The following SRGAP1 variants were observed in gnomAD, a reference collection of about 807,000 sequenced individuals.
SRGAP1 encodes the protein SLIT-ROBO Rho GTPase activating protein 1, also known as SLIT-ROBO Rho GTPase-activating protein 1.
SRGAP1 carries 43 observed loss-of-function variants against 121.9 expected under a neutral mutation model. That is an observed-to-expected ratio of 0.35 (90% CI 0.28 to 0.46). The LOEUF is 0.46. Among genes scored for constraint, SRGAP1 ranks in the 20% least tolerant of loss-of-function variants. The pLI, the probability that SRGAP1 is intolerant of heterozygous loss-of-function variation, is 1.00. For synonymous variants in SRGAP1, 447 were observed against 485.4 expected, an observed-to-expected ratio of 0.92 and a Z score of 1.04; for missense variants, 1,102 against 1,350.9, an observed-to-expected ratio of 0.82 and a Z score of 2.89.
chr12:64,044,295 T>A (rs1217775936), intron 6 of SRGAP1, among the ~76,000 whole-genome samples: 2 of 152,154 alleles, frequency 1.3e-5, no homozygotes, highest in African/African-American at 4.8e-5. Context: ...GCTAACACTG[T>A]AAGAGACTGC....
At chr12:64,126,432 T>C (rs146916783) in intron 19 of SRGAP1, among the ~76,000 whole-genome samples, 2 of 152,344 alleles carry the variant, frequency 1.3e-5, no homozygotes, top group African/African-American at 4.8e-5. Context: ...AGAGCTGAAG[T>C]GACATTGGTA....
chr12:64,099,387 G>A (rs748218247), intron 15 of SRGAP1, among the ~76,000 whole-genome samples: 6 of 152,126 alleles, frequency 3.9e-5, no homozygotes, highest in African/African-American at 7.2e-5. Flanking sequence ...GTCCACTCCC[G>A]AAGGTTAGGA....
chr12:64,116,699 T>G lies in SRGAP1; in HGVS notation c.2224+806T>G, dbSNP rs1043124496. ...TAAGAACAGTGCTGCTATGCACTGT[T>G]AGGACATTTTGAACATGTCTTCTAC... is the stretch of plus-strand genomic sequence containing the variant. On this transcript the variant is annotated intron_variant, in intron 18 of 21. Transcript: ENST00000355086. 6.6e-5 allele frequency among the ~76,000 whole-genome samples: 10 copies of G among 152,304 alleles called. No individual in the cohort carries two copies. In the South Asian group the frequency reaches 2.1e-3, roughly 32 times the overall value.
At chr12:64,086,590 C>T (rs1315964509) in intron 10 of SRGAP1, among the ~76,000 whole-genome samples, 1 of 152,092 alleles carries the variant, frequency 6.6e-6, no homozygotes, top group Non-Finnish European at 1.5e-5. Flanking sequence ...TGTATTTGAA[C>T]CCATCCTTCT....
intron 1 of SRGAP1, among the ~76,000 whole-genome samples, chr12:63,937,444 G>A (rs1361935332): frequency 6.6e-6 from 1 of 152,036 alleles, no homozygotes; most frequent in Non-Finnish European, 1.5e-5. Flanking sequence ...CTTTAGATGT[G>A]GATAATTTAG....
In SRGAP1 at chr12:64,159,180, T is replaced by G. The variant is rs1006541754; in HGVS notation, c.*16508T>G. 1 of 152,424 alleles carries G rather than the reference T, an allele frequency of 6.6e-6. No individual in the cohort carries two copies. Among genetic ancestry groups the G allele is most frequent in the Non-Finnish European group, 1.5e-5 (1 of 68,314 alleles). 9.4% of individuals were successfully genotyped at this position (152,424 alleles called of 1,614,324 possible). On this transcript the variant is annotated 3_prime_UTR_variant, in exon 22 of 22. Transcript: ENST00000355086. The stretch of plus-strand genomic sequence containing the variant: ...CAAAACAGTTTTTTAAAAAACTAGC[T>G]GTAGGGCAGGCACGGTGGTTCACAC...
intron 1 of SRGAP1, among the ~76,000 whole-genome samples, chr12:63,932,212 C>A (rs2031501925): frequency 6.6e-6 from 1 of 152,088 alleles, no homozygotes; most frequent in Admixed American, 6.5e-5. Flanking sequence ...ACCCGGGAGG[C>A]AGAGGTTTCA....
At chr12:63,935,575 T>C (rs1414795986) in intron 1 of SRGAP1, among the ~76,000 whole-genome samples, 1 of 152,202 alleles carries the variant, frequency 6.6e-6, no homozygotes, top group Non-Finnish European at 1.5e-5. Context: ...AATTGCTAAA[T>C]ATCAAGGAAA....
At chr12:64,082,994 C>A (rs901773952) in intron 10 of SRGAP1, among the ~76,000 whole-genome samples, 22 of 152,224 alleles carry the variant, frequency 1.4e-4, no homozygotes, top group African/African-American at 5.3e-4. Flanking sequence ...GGATATGACA[C>A]TGACAAATTT....
At chr12:64,141,287 A>AAAGAAAG (rs60064168) in intron 21 of SRGAP1, among the ~76,000 whole-genome samples, 1 of 144,678 alleles carries the variant, frequency 6.9e-6, no homozygotes, top group African/African-American at 2.6e-5. Flanking sequence ...AAAAAAAAAA[A>AAAGAAAG]AAAGAAAAAC....
intron 1 of SRGAP1, among the ~76,000 whole-genome samples, chr12:63,922,018 G>A (rs542724793): frequency 6.7e-6 from 1 of 149,344 alleles, no homozygotes; most frequent in Non-Finnish European, 1.5e-5. Flanking sequence ...CACCTCTGTC[G>A]CTCAGGCTGG....
chr12:64,107,924 G>A (rs2036371189), intron 15 of SRGAP1, among the ~76,000 whole-genome samples: 1 of 152,146 alleles, frequency 6.6e-6, no homozygotes, highest in African/African-American at 2.4e-5. Flanking sequence ...CCAGACTTAT[G>A]AAACAGAAAA....
At chr12:63,955,525 A>G (rs2032437596) in intron 1 of SRGAP1, among the ~76,000 whole-genome samples, 1 of 152,148 alleles carries the variant, frequency 6.6e-6, no homozygotes, top group Non-Finnish European at 1.5e-5. Context: ...AAAGGTCATT[A>G]TAAATACCCA....
chr12:64,071,321 C>G (rs1449744363), intron 8 of SRGAP1, among the ~76,000 whole-genome samples: 1 of 152,154 alleles, frequency 6.6e-6, no homozygotes, highest in Non-Finnish European at 1.5e-5. Context: ...CAGGATGGCT[C>G]TCAGTGGAGA....
chr12:63,982,048 C>G (rs936653956), intron 1 of SRGAP1, among the ~76,000 whole-genome samples: 1 of 151,978 alleles, frequency 6.6e-6, no homozygotes, highest in Non-Finnish European at 1.5e-5. Flanking sequence ...CCCGTCTCTA[C>G]TAAAAATATA....
At chr12:64,044,855 T>C (rs1240242747) in intron 6 of SRGAP1, among the ~76,000 whole-genome samples, 1 of 151,752 alleles carries the variant, frequency 6.6e-6, no homozygotes, top group Admixed American at 6.6e-5. Flanking sequence ...AATTTTTGTA[T>C]TTTTAGTAGA....
chr12:63,855,843 G>A (rs981916435), intron 1 of SRGAP1, among the ~76,000 whole-genome samples: 2 of 152,044 alleles, frequency 1.3e-5, no homozygotes, highest in East Asian at 1.9e-4. Context: ...CAGTAGGTGT[G>A]TATATCTTAT....
intron 1 of SRGAP1, among the ~76,000 whole-genome samples, chr12:63,897,412 C>G (rs1900789602): frequency 6.6e-6 from 1 of 152,180 alleles, no homozygotes; most frequent in East Asian, 1.9e-4. Flanking sequence ...GACATGTCAG[C>G]TGTACTTTCA....
In SRGAP1 at chr12:64,042,992, A is replaced by C. The variant is rs760333716; in HGVS notation, c.672+20A>C. The C allele has an allele frequency of 7.6e-6, 12 of 1,573,586 alleles. No homozygotes were observed. The highest frequency in any genetic ancestry group is 8.7e-6 in the Non-Finnish European group (10 of 1,146,700). On this transcript the variant is annotated intron_variant, in intron 5 of 21. Coordinates refer to ENST00000355086, the MANE Select transcript of SRGAP1 (RefSeq NM_020762.4). ...GAAAAAGTAAGTAAAGAGATTGCAG[A>C]GCTCTTCTGCCTTCATTTGAGGAGA... is the stretch of plus-strand genomic sequence containing the variant.
Sources: allele counts gnomAD v4.1 joint callset (sites outside exome capture counted in the v4.1 genomes callset), GRCh38; gene constraint gnomAD v4.1.1; transcripts MANE v1.5; gene names NCBI Gene and HGNC (gene_info 2026-07-23, HGNC 2026-07-21).